The following ZNF516 variants were observed in gnomAD, a reference collection of about 807,000 sequenced individuals.
ZNF516 encodes zinc finger protein 516.
Under a neutral mutation model 79.7 loss-of-function variants are expected in ZNF516, and 19 were observed. The ratio of observed to expected loss-of-function variants is 0.24; its 90% confidence interval spans 0.17 to 0.35. The LOEUF is 0.35. Ranked by LOEUF, ZNF516 falls within the 10% of genes least tolerant of loss-of-function variation. ZNF516 has a pLI of 1.00. For missense variants in ZNF516, 1,678 were observed against 1,679.5 expected (o/e 1.00, Z 0.02); for synonymous variants, 877 against 739.5 (o/e 1.19, Z -3.02).
intron 2 of ZNF516, among the ~76,000 whole-genome samples, chr18:76,456,498 C>T (rs1912732113): frequency 6.6e-6 from 1 of 151,548 alleles, no homozygotes; most frequent in Non-Finnish European, 1.5e-5. Flanking sequence ...CCTTCTGGGA[C>T]CCACAGCTTC....
chr18:76,410,658 C>T (rs775071111), intron 3 of ZNF516, among the ~76,000 whole-genome samples: 1 of 152,146 alleles, frequency 6.6e-6, no homozygotes, highest in Non-Finnish European at 1.5e-5. Flanking sequence ...GGAAATCTTC[C>T]CCTTGCAAAT....
chr18:76,418,190 ATAACACACTG>A (rs2075457585), intron 3 of ZNF516, among the ~76,000 whole-genome samples: 2 of 151,826 alleles, frequency 1.3e-5, no homozygotes, highest in African/African-American at 4.9e-5. Flanking sequence ...AACACATGCT[ATAACACACTG>A]TAACACACGC....
Position 76,402,708 on chromosome 18 carries a change from G to A in ZNF516, c.1811-22405C>T, listed in dbSNP as rs549087541. On this transcript the variant is annotated intron_variant, in intron 3 of 6. Transcript: ENST00000443185. ...ACGAACTTCAGATCAGCGATGACTT[G>A]ACAGGTCTGACTCTCACGTGATTTC... 3.0e-4 allele frequency among the ~76,000 whole-genome samples: 46 copies of A among 152,372 alleles called. No homozygotes were observed. The South Asian group carries it at 4.8e-3, about 16-fold the overall frequency.
chr18:76,403,528 G>T (rs566069922), intron 3 of ZNF516, among the ~76,000 whole-genome samples: 9 of 152,166 alleles, frequency 5.9e-5, no homozygotes, highest in Non-Finnish European at 4.4e-5. Context: ...GGGAATCCAG[G>T]ACTGCAGGGG....
intron 3 of ZNF516, among the ~76,000 whole-genome samples, chr18:76,440,897 T>C (rs2075809045): frequency 6.6e-6 from 1 of 152,184 alleles, no homozygotes; most frequent in Admixed American, 6.5e-5. Flanking sequence ...GGTGAGACCA[T>C]CAACCCTAGA....
At chr18:76,436,546 G>A (rs76499092) in intron 3 of ZNF516, among the ~76,000 whole-genome samples, 2,657 of 152,210 alleles carry the variant, frequency 0.017, 74 homozygotes, top group African/African-American at 0.059. Context: ...CTGAGTCCCC[G>A]AGAGACTCAG....
At chr18:76,445,066 C>G (rs1911960334) in intron 2 of ZNF516, among the ~76,000 whole-genome samples, 1 of 152,108 alleles carries the variant, frequency 6.6e-6, no homozygotes, top group South Asian at 2.1e-4. Flanking sequence ...AGATGCCCAC[C>G]CAGAGGAGCC....
chr18:76,489,717 T>C (rs1049576615), intron 1 of ZNF516, among the ~76,000 whole-genome samples: 1 of 152,226 alleles, frequency 6.6e-6, no homozygotes, highest in Non-Finnish European at 1.5e-5. Flanking sequence ...GGTAAACTAT[T>C]CTCAGGGTGT....
chr18:76,382,796 A>C (rs2074914835), intron 3 of ZNF516, among the ~76,000 whole-genome samples: 1 of 152,186 alleles, frequency 6.6e-6, no homozygotes, highest in African/African-American at 2.4e-5. Flanking sequence ...CTGTAATACC[A>C]GCACTTTGGG....
intron 3 of ZNF516, among the ~76,000 whole-genome samples, chr18:76,414,440 T>C (rs1251870477): frequency 2.0e-5 from 3 of 152,214 alleles, no homozygotes; most frequent in Non-Finnish European, 4.4e-5. Context: ...ACAAATGCCC[T>C]CTGTCACTAT....
chr18:76,457,660 T>C (rs1193182643), intron 2 of ZNF516, among the ~76,000 whole-genome samples: 1 of 152,204 alleles, frequency 6.6e-6, no homozygotes, highest in Non-Finnish European at 1.5e-5. Flanking sequence ...GAGGCTGCAG[T>C]GAGCCATGAT....
intron 1 of ZNF516, among the ~76,000 whole-genome samples, chr18:76,472,218 T>C (rs964889273): frequency 3.9e-5 from 6 of 152,194 alleles, no homozygotes; most frequent in Admixed American, 2.6e-4. Flanking sequence ...TCTCTTCCCA[T>C]TGCCCTTGGG....
At chr18:76,366,731 T>C (rs1005859174) in intron 6 of ZNF516, among the ~76,000 whole-genome samples, 1 of 152,258 alleles carries the variant, frequency 6.6e-6, no homozygotes, top group African/African-American at 2.4e-5. Context: ...TGCTTATTTT[T>C]AGACTAAATG....
intron 3 of ZNF516, among the ~76,000 whole-genome samples, chr18:76,399,814 AC>A (rs1186302594): frequency 1.3e-5 from 2 of 152,158 alleles, no homozygotes; most frequent in African/African-American, 4.8e-5. Context: ...CCAGGTGGTC[AC>A]CACCTGCAGG....
chr18:76,437,689 C>T (rs943241580), intron 3 of ZNF516, among the ~76,000 whole-genome samples: 2 of 152,218 alleles, frequency 1.3e-5, no homozygotes, highest in African/African-American at 2.4e-5. Flanking sequence ...CACATCCTCC[C>T]GTACACTGTA....
rs527735604 is a variant in ZNF516 at position 76,358,438 on chromosome 18, TGAA to T, written c.*4057_*4059del. ...CTCAAAGCAGAATTAGCAAAGCTGA[TGAA>T]GAATGAACATTTTCCCTTGGGCGGG... On this transcript the variant is annotated 3_prime_UTR_variant, in exon 7 of 7. Coordinates refer to ENST00000443185, the MANE Select transcript of ZNF516 (RefSeq NM_014643.4). The T allele has an allele frequency of 2.6e-5, 4 of 152,372 alleles. No individual in the cohort carries two copies. The South Asian group carries it at 8.3e-4, about 32-fold the overall frequency. 9.4% of individuals were successfully genotyped at this position (152,372 alleles called of 1,614,324 possible).
At chr18:76,397,183 T>C (rs2075159213) in intron 3 of ZNF516, among the ~76,000 whole-genome samples, 1 of 152,068 alleles carries the variant, frequency 6.6e-6, no homozygotes, top group Non-Finnish European at 1.5e-5. Context: ...ACCAAGGCCA[T>C]GGAGTAGGAA....
At position 76,402,673 on chromosome 18, in the gene ZNF516, C is replaced by T. The variant is rs983406893; in HGVS notation, c.1811-22370G>A. ...GCAACAGATCTGAACGACTAAACTCCGCTCCTTAAACGAACTTCAGATCAG... is the reference window on the plus strand; with the variant it reads ...GCAACAGATCTGAACGACTAAACTCTGCTCCTTAAACGAACTTCAGATCAG... On this transcript the variant is annotated intron_variant, in intron 3 of 6. Transcript: ENST00000443185. 3.3e-5 allele frequency among the ~76,000 whole-genome samples: 5 copies of T among 152,232 alleles called. No individual in the cohort carries two copies. The East Asian group carries it at 9.6e-4, about 29-fold the overall frequency.
intron 3 of ZNF516, among the ~76,000 whole-genome samples, chr18:76,440,917 TGTGA>T (rs2075809265): frequency 6.6e-6 from 1 of 152,110 alleles, no homozygotes; most frequent in African/African-American, 2.4e-5. Context: ...AGGTCAAAGG[TGTGA>T]GTATATGCAA....
Sources: allele counts gnomAD v4.1 joint callset (sites outside exome capture counted in the v4.1 genomes callset), GRCh38; gene constraint gnomAD v4.1.1; transcripts MANE v1.5; gene names NCBI Gene and HGNC (gene_info 2026-07-23, HGNC 2026-07-21).